Variants in UBE3D observed in about 807,000 individuals in gnomAD.
UBE3D encodes the protein E3 ubiquitin-protein ligase E3D.
In UBE3D, 48 loss-of-function variants were observed where a neutral mutation model predicts 49.6. The ratio of observed to expected loss-of-function variants is 0.97; its 90% CI spans 0.77 to 1.23. The LOEUF (loss-of-function observed/expected upper bound fraction) is 1.23. Ranked by LOEUF, UBE3D falls within the 50% of genes most tolerant of loss-of-function variation. The pLI, the probability that UBE3D is intolerant of heterozygous loss-of-function variation, is 0.00. For synonymous variants in UBE3D, 189 were observed against 174.2 expected (o/e 1.08, Z -0.67); for missense variants, 452 against 468.4 (o/e 0.96, Z 0.32).
intron 9 of UBE3D, among the ~76,000 whole-genome samples, chr6:82,903,870 C>T (rs1771911951): frequency 6.6e-6 from 1 of 152,106 alleles, no homozygotes; most frequent in Non-Finnish European, 1.5e-5. Flanking sequence ...AGCTGAAAAG[C>T]TGAAGAGGAT....
chr6:82,921,861 C>T (rs889624207), intron 9 of UBE3D, among the ~76,000 whole-genome samples: 67 of 152,082 alleles, frequency 4.4e-4, no homozygotes, highest in African/African-American at 1.3e-3. Context: ...ACAACCAGAC[C>T]GGCAAAACTG....
intron 8 of UBE3D, among the ~76,000 whole-genome samples, chr6:82,960,012 C>T (rs1228201231): frequency 3.3e-5 from 5 of 152,152 alleles, no homozygotes; most frequent in African/African-American, 1.2e-4. Flanking sequence ...GGGACATGCA[C>T]CATCATCTTG....
At chr6:82,921,817 TA>T (rs552588042) in intron 9 of UBE3D, among the ~76,000 whole-genome samples, 279 of 152,246 alleles carry the variant, frequency 1.8e-3, no homozygotes, top group Non-Finnish European at 2.5e-3. Context: ...ATAAAATCAC[TA>T]AATATGTGAG....
intron 8 of UBE3D, among the ~76,000 whole-genome samples, chr6:83,015,627 C>T (rs533314478): frequency 6.6e-5 from 10 of 152,256 alleles, no homozygotes; most frequent in African/African-American, 1.7e-4. Context: ...TCGAGTGTAA[C>T]GCACCTCCTC....
chr6:82,954,082 A>G (rs1032260164), intron 9 of UBE3D, among the ~76,000 whole-genome samples: 9 of 152,212 alleles, frequency 5.9e-5, no homozygotes, highest in Admixed American at 5.9e-4. Flanking sequence ...ATGAGGTCAG[A>G]AAGGGAGGCA....
intron 3 of UBE3D, among the ~76,000 whole-genome samples, chr6:83,045,428 C>T (rs1324098299): frequency 1.3e-5 from 2 of 152,046 alleles, no homozygotes; most frequent in Non-Finnish European, 1.5e-5. Flanking sequence ...TACTGTGTTT[C>T]TTCTGTGAAT....
intron 9 of UBE3D, among the ~76,000 whole-genome samples, chr6:82,926,521 T>A (rs1480989663): frequency 6.6e-6 from 1 of 152,120 alleles, no homozygotes; most frequent in Non-Finnish European, 1.5e-5. Flanking sequence ...TGCCAACGTG[T>A]TTTCTAAAGT....
chr6:82,987,393 T>C (rs1466591980), intron 8 of UBE3D, among the ~76,000 whole-genome samples: 3 of 152,204 alleles, frequency 2.0e-5, no homozygotes, highest in Non-Finnish European at 4.4e-5. Flanking sequence ...GATACATAAC[T>C]ATATTATCCC....
intron 8 of UBE3D, among the ~76,000 whole-genome samples, chr6:82,974,040 G>A (rs1431232259): frequency 6.6e-5 from 10 of 152,074 alleles, no homozygotes. Flanking sequence ...TCTACATTAT[G>A]GTGAGTTGTA....
intron 9 of UBE3D, among the ~76,000 whole-genome samples, chr6:82,946,914 G>GA (rs544958545): frequency 3.5e-4 from 47 of 134,482 alleles, no homozygotes; most frequent in Admixed American, 5.2e-4. Flanking sequence ...AACAGGCACA[G>GA]AAAAAAAAAA....
At chr6:83,003,568 A>T (rs1779775681) in intron 8 of UBE3D, among the ~76,000 whole-genome samples, 1 of 152,188 alleles carries the variant, frequency 6.6e-6, no homozygotes, top group Non-Finnish European at 1.5e-5. Context: ...TTATTAGGCA[A>T]TTTTGTCTTT....
rs777681320 is a variant in UBE3D at position 83,018,830 on chromosome 6, A to T, written c.1010+143T>A. ...TGTAATAATTCAACCTATTTTAAAC[A>T]TATAATATTTAGCAGTATTGGCTCC... On this transcript the variant is annotated intron_variant, in intron 8 of 9. Coordinates refer to ENST00000369747, the MANE Select transcript of UBE3D (RefSeq NM_198920.3). 1.6e-4 allele frequency: 138 copies of T among 854,646 alleles called. 1 individual carries two copies. Among genetic ancestry groups the T allele is most frequent in the Non-Finnish European group, 2.4e-4 (132 of 561,390 alleles). The allele number at this position is 854,646 out of a possible 1,614,324, so 52.9% of individuals were successfully genotyped here.
intron 8 of UBE3D, among the ~76,000 whole-genome samples, chr6:82,990,173 T>C (rs1019794876): frequency 5.9e-5 from 9 of 152,232 alleles, no homozygotes; most frequent in Non-Finnish European, 7.3e-5. Flanking sequence ...ATCCCTCATG[T>C]GGCTGAAGTT....
At chr6:83,028,760 A>G (rs1476775279) in intron 5 of UBE3D, among the ~76,000 whole-genome samples, 2 of 152,086 alleles carry the variant, frequency 1.3e-5, no homozygotes, top group Non-Finnish European at 2.9e-5. Flanking sequence ...CTTTCGTGTC[A>G]GCCTGAAGAA....
intron 9 of UBE3D, among the ~76,000 whole-genome samples, chr6:82,935,196 C>G (rs1449416772): frequency 2.0e-5 from 3 of 151,312 alleles, no homozygotes; most frequent in Non-Finnish European, 4.4e-5. Context: ...GAAGGGGAAG[C>G]AGGCTCATCA....
chr6:83,056,117 G>T (rs1317833084), intron 2 of UBE3D, among the ~76,000 whole-genome samples: 1 of 152,142 alleles, frequency 6.6e-6, no homozygotes, highest in Non-Finnish European at 1.5e-5. Context: ...AATTTATTTT[G>T]TCCTATAGTT....
intron 8 of UBE3D, among the ~76,000 whole-genome samples, chr6:82,997,050 G>A (rs1220980039): frequency 6.6e-6 from 1 of 152,110 alleles, no homozygotes; most frequent in Non-Finnish European, 1.5e-5. Context: ...GGGGTACACA[G>A]GAACAATCTG....
In UBE3D at chr6:82,992,216, CT is replaced by C. The variant is rs386407755; in HGVS notation, c.1010+26756del. 3.6e-3 allele frequency among the ~76,000 whole-genome samples: 347 copies of C among 96,748 alleles called. 2 individuals are homozygous for C. The highest frequency in any genetic ancestry group is 0.012 in the East Asian group (37 of 3,094). The allele number at this position is 96,748 out of a possible 152,430, so 63.5% of individuals were successfully genotyped here. ...TGTACCTTTAAAGACATCTGCATTC[CT>C]TTTTTTTTTTTTTTTTTTTTTTTGA... On this transcript the variant is annotated intron_variant, in intron 8 of 9. Coordinates refer to ENST00000369747, the MANE Select transcript of UBE3D (RefSeq NM_198920.3).
chr6:82,986,488 A>C (rs1272813789), intron 8 of UBE3D, among the ~76,000 whole-genome samples: 2 of 149,926 alleles, frequency 1.3e-5, no homozygotes, highest in African/African-American at 4.9e-5. Flanking sequence ...AAAAAAAAAA[A>C]AAAAAAAAAA....
Sources: allele counts gnomAD v4.1 joint callset (sites outside exome capture counted in the v4.1 genomes callset), GRCh38; gene constraint gnomAD v4.1.1; transcripts MANE v1.5; gene names NCBI Gene and HGNC (gene_info 2026-07-23, HGNC 2026-07-21).